Variants in NPAS3 observed in about 807,000 individuals in gnomAD.
NPAS3 encodes neuronal PAS domain protein 3.
Under a neutral mutation model 73.1 loss-of-function variants are expected in NPAS3, and 14 were observed. The ratio of observed to expected loss-of-function variants is 0.19; its 90% CI spans 0.13 to 0.30. The LOEUF (loss-of-function observed/expected upper bound fraction) is 0.30. Among genes scored for constraint, NPAS3 ranks in the 10% least tolerant of loss-of-function variants. The pLI is 1.00. For synonymous variants in NPAS3, 620 were observed against 541.5 expected, an observed-to-expected ratio of 1.14 and a Z score of -2.01; for missense variants, 1,096 against 1,250.0, an observed-to-expected ratio of 0.88 and a Z score of 1.86.
At chr14:33,755,067 T>G (rs1252136882) in intron 7 of NPAS3, among the ~76,000 whole-genome samples, 2 of 152,182 alleles carry the variant, frequency 1.3e-5, no homozygotes, top group African/African-American at 4.8e-5. Flanking sequence ...GTCCTCGTTT[T>G]GCCACTTGAT....
chr14:33,009,606 C>T (rs1339122118), intron 1 of NPAS3, among the ~76,000 whole-genome samples: 1 of 152,070 alleles, frequency 6.6e-6, no homozygotes, highest in African/African-American at 2.4e-5. Flanking sequence ...AGTAGTAATA[C>T]TAGAGTCTTG....
intron 2 of NPAS3, among the ~76,000 whole-genome samples, chr14:33,144,316 C>T (rs957936538): frequency 6.6e-6 from 1 of 152,284 alleles, no homozygotes; most frequent in African/African-American, 2.4e-5. Flanking sequence ...TGAAGAAGGA[C>T]GTTGAGCATC....
chr14:33,563,537 C>CACACACACACAGAGAGAG, intron 5 of NPAS3, among the ~76,000 whole-genome samples: 63 of 119,614 alleles, frequency 5.3e-4, no homozygotes, highest in African/African-American at 2.0e-3. Flanking sequence ...CACACACACA[C>CACACACACACAGAGAGAG]AGAGAGAGAG....
intron 1 of NPAS3, among the ~76,000 whole-genome samples, chr14:32,964,355 C>G (rs941548051): frequency 6.6e-6 from 1 of 152,052 alleles, no homozygotes; most frequent in African/African-American, 2.4e-5. Flanking sequence ...GGTCATATAA[C>G]TAGCAAATTT....
intron 5 of NPAS3, among the ~76,000 whole-genome samples, chr14:33,591,208 T>C (rs975371945): frequency 6.6e-6 from 1 of 152,202 alleles, no homozygotes; most frequent in African/African-American, 2.4e-5. Flanking sequence ...CTTGCCTGTA[T>C]GGGACTACAG....
chr14:33,073,475 G>A (rs1364329020), intron 2 of NPAS3, among the ~76,000 whole-genome samples: 1 of 152,134 alleles, frequency 6.6e-6, no homozygotes, highest in African/African-American at 2.4e-5. Flanking sequence ...TACAAGATGG[G>A]ACAGGTGAAG....
chr14:33,693,938 G>A (rs867795306), intron 6 of NPAS3, among the ~76,000 whole-genome samples: 1 of 151,752 alleles, frequency 6.6e-6, no homozygotes, highest in African/African-American at 2.4e-5. Flanking sequence ...GCGGACCTGC[G>A]TACCTCTGAC....
intron 2 of NPAS3, among the ~76,000 whole-genome samples, chr14:33,099,129 G>T (rs192131197): frequency 6.6e-6 from 1 of 152,168 alleles, no homozygotes; most frequent in African/African-American, 2.4e-5. Flanking sequence ...GCAGTTTCCC[G>T]AGGAAAGCTC....
chr14:33,138,226 C>T (rs2043914784), intron 2 of NPAS3, among the ~76,000 whole-genome samples: 1 of 146,974 alleles, frequency 6.8e-6, no homozygotes, highest in Non-Finnish European at 1.5e-5. Context: ...CACAACAGGC[C>T]CCGGTGTGTG....
intron 4 of NPAS3, among the ~76,000 whole-genome samples, chr14:33,507,561 A>G (rs1011202003): frequency 1.3e-5 from 2 of 151,964 alleles, no homozygotes; most frequent in South Asian, 4.1e-4. Flanking sequence ...TTTTTATTAT[A>G]TAACTAGTAG....
intron 3 of NPAS3, among the ~76,000 whole-genome samples, chr14:33,267,551 C>CT (rs1320996855): frequency 6.6e-6 from 1 of 152,010 alleles, no homozygotes; most frequent in Non-Finnish European, 1.5e-5. Flanking sequence ...TGAAATTAAG[C>CT]TTTTTTCCCC....
At chr14:33,562,065 G>A (rs1303618181) in intron 5 of NPAS3, among the ~76,000 whole-genome samples, 2 of 152,298 alleles carry the variant, frequency 1.3e-5, no homozygotes, top group East Asian at 3.9e-4. Flanking sequence ...TGCCAGCACA[G>A]CATATGCACA....
At chr14:33,387,356 A>G (rs1372495465) in intron 4 of NPAS3, among the ~76,000 whole-genome samples, 1 of 152,092 alleles carries the variant, frequency 6.6e-6, no homozygotes, top group Non-Finnish European at 1.5e-5. Flanking sequence ...CTCCAACTCC[A>G]TCCCCCAATG....
Position 33,550,751 on chromosome 14 carries a change from T to C in NPAS3, c.469-9370T>C, listed in dbSNP as rs144241943. Among the ~76,000 whole-genome samples the C allele has an allele frequency of 7.7e-4, 117 of 152,332 alleles. 1 individual carries two copies. The East Asian group carries it at 0.021, about 28-fold the overall frequency. ...TCCATCAGAATAATTAACTTCCCTA[T>C]AAATATGTATCTCTGCTTCATATGA... On this transcript the variant is annotated intron_variant, in intron 4 of 11. Coordinates refer to ENST00000356141, the Ensembl canonical transcript of NPAS3.
chr14:33,326,117 T>G (rs548208294), intron 3 of NPAS3, among the ~76,000 whole-genome samples: 1 of 152,226 alleles, frequency 6.6e-6, no homozygotes, highest in East Asian at 1.9e-4. Context: ...TAATTTAAGG[T>G]GATGGTGTGT....
In NPAS3 at chr14:33,800,106, G is replaced by T. The variant is rs1421750160; in HGVS notation, c.1799G>T (p.Arg600Leu). The T allele has an allele frequency of 1.9e-6, 3 of 1,585,338 alleles. No individual in the cohort carries two copies. Among genetic ancestry groups the T allele is most frequent in the African/African-American group, 2.7e-5 (2 of 74,636 alleles). Residue 600 changes from arginine (R) to leucine (L), a missense_variant, in exon 12 of 12, where the codon CGC becomes CTC. Arg to Leu is a moderately radical substitution (Grantham distance 102). Coordinates refer to ENST00000356141, the Ensembl canonical transcript of NPAS3. This position sits in a 1 kb window ranked among gnomAD's most constrained non-coding sequence, Gnocchi z 6.5. Reference sequence around the variant, plus strand: ...CAGGCCTCCAGCAAGCACCAGAAGCGCAAGAAAAGGCGGAAACGGCAAAAG... The same window carrying T: ...CAGGCCTCCAGCAAGCACCAGAAGCTCAAGAAAAGGCGGAAACGGCAAAAG...
At chr14:33,266,591 C>T (rs2040828055) in intron 3 of NPAS3, among the ~76,000 whole-genome samples, 2 of 152,066 alleles carry the variant, frequency 1.3e-5, no homozygotes, top group South Asian at 4.2e-4. Context: ...TACTATATTC[C>T]TTATGTACAC....
chr14:33,517,293 T>C (rs1293563239), intron 4 of NPAS3, among the ~76,000 whole-genome samples: 1 of 151,936 alleles, frequency 6.6e-6, no homozygotes, highest in Admixed American at 6.6e-5. Flanking sequence ...CTCAGTTCAA[T>C]TGCTCAGACA....
chr14:33,531,483 C>T (rs2054041534), intron 4 of NPAS3, among the ~76,000 whole-genome samples: 1 of 152,106 alleles, frequency 6.6e-6, no homozygotes, highest in Non-Finnish European at 1.5e-5. Flanking sequence ...TTCTTTCACT[C>T]AGCGTAATGC....
Sources: gnomAD v4.1 joint callset for allele counts (sites outside exome capture counted in the v4.1 genomes callset) on GRCh38, gnomAD v4.1.1 for gene constraint, Gnocchi (gnomAD v3.1) non-coding constraint, MANE v1.5 for transcripts, NCBI Gene and HGNC (gene_info 2026-07-23, HGNC 2026-07-21) for gene names.